Variants in BANK1 observed in about 807,000 individuals in gnomAD.
BANK1 encodes B cell scaffold protein with ankyrin repeats 1, also known as B-cell scaffold protein with ankyrin repeats.
In BANK1, 95 loss-of-function variants were observed where a neutral mutation model predicts 94.5. The observed-to-expected ratio is 1.00, with a 90% CI of 0.85 to 1.19. The LOEUF is 1.19. Among genes scored for constraint, BANK1 ranks in the 50% most tolerant of loss-of-function variants. The pLI, the probability that BANK1 is intolerant of heterozygous loss-of-function variation, is 0.00. For missense variants in BANK1, 987 were observed against 932.2 expected (o/e 1.06, Z -0.77); for synonymous variants, 334 against 308.4 (o/e 1.08, Z -0.87).
chr4:102,073,551 T>C, intron 15 of BANK1, 133 bp from the exon 16 acceptor site: 1 of 690,252 alleles, frequency 1.4e-6, no homozygotes, highest in South Asian at 1.9e-5. Flanking sequence ...GAAGATTGTC[T>C]TGCCAGTTTT....
At chr4:101,937,025 A>T (rs1334747985) in intron 7 of BANK1, among the ~76,000 whole-genome samples, 2 of 151,698 alleles carry the variant, frequency 1.3e-5, no homozygotes, top group Admixed American at 6.6e-5. Flanking sequence ...TACTGTTCAC[A>T]ATAGCCAATA....
intron 2 of BANK1, among the ~76,000 whole-genome samples, chr4:101,843,286 T>G (rs1578350960): frequency 6.6e-6 from 1 of 152,314 alleles, no homozygotes; most frequent in Middle Eastern, 3.4e-3. Context: ...TTTTGATAAA[T>G]ATTCCACTAT....
intron 2 of BANK1, among the ~76,000 whole-genome samples, chr4:101,847,800 C>A (rs1727312463): frequency 2.0e-5 from 3 of 151,394 alleles, no homozygotes; most frequent in African/African-American, 7.3e-5. Context: ...TTTCTTTATC[C>A]ACTCGTTGAT....
At chr4:102,060,583 A>G (rs143818560) in intron 12 of BANK1, among the ~76,000 whole-genome samples, 194 bp downstream of exon 12, 215 of 152,330 alleles carry the variant, frequency 1.4e-3, no homozygotes, top group African/African-American at 4.9e-3. Flanking sequence ...GGTGAAGTCA[A>G]TCCTCTAACC....
At chr4:101,883,580 T>C (rs1728750354) in intron 5 of BANK1, among the ~76,000 whole-genome samples, 1 of 152,180 alleles carries the variant, frequency 6.6e-6, no homozygotes, top group Non-Finnish European at 1.5e-5. Flanking sequence ...TCTTCATGCT[T>C]CTTATGTGGC....
chr4:101,796,443 C>T (rs1725158977), intron 1 of BANK1, among the ~76,000 whole-genome samples: 1 of 152,098 alleles, frequency 6.6e-6, no homozygotes, highest in Non-Finnish European at 1.5e-5. Flanking sequence ...ACGTATCTTC[C>T]ATTGAAAATT....
rs1020241795 is a variant in BANK1 at position 101,895,485 on chromosome 4, A to C, written c.1009+75A>C. The C allele has an allele frequency of 3.8e-5, 34 of 883,354 alleles. No homozygotes were observed. The East Asian group carries it at 9.3e-4, about 24-fold the overall frequency. The allele number at this position is 883,354 out of a possible 1,614,324, so 54.7% of individuals were successfully genotyped here. On this transcript the variant is annotated intron_variant, in intron 6 of 16. Coordinates refer to ENST00000322953, the MANE Select transcript of BANK1 (RefSeq NM_017935.5). ...TATGTAACTCTTTAATGAATGTTAT[A>C]ACCAAAAATATAGGTAGCTGCACTG...
chr4:101,870,354 A>C, intron 4 of BANK1, 151 bp from the exon 5 acceptor site: 1 of 611,854 alleles, frequency 1.6e-6, no homozygotes, highest in Non-Finnish European at 2.4e-6. Flanking sequence ...GTGTTTTCCA[A>C]CTACCAAGAA....
At chr4:102,071,673 T>C (rs141718697) in intron 14 of BANK1, among the ~76,000 whole-genome samples, 3 of 152,310 alleles carry the variant, frequency 2.0e-5, no homozygotes, top group Non-Finnish European at 2.9e-5. Context: ...CTGATAATGA[T>C]ATATGTAAAT....
chr4:101,986,899 G>GTGTGTGTGTGTA lies in BANK1; in HGVS notation c.1207-34614_1207-34613insGTGTGTGTGTAT, dbSNP rs1343197093. On this transcript the variant is annotated intron_variant, in intron 7 of 16. Transcript: ENST00000322953. ...TGTGTGTGTGTGTGTGTGTGTGTGT[G>GTGTGTGTGTGTA]TATATATATATATATATATATATAT... Among the ~76,000 whole-genome samples the GTGTGTGTGTGTA allele has an allele frequency of 4.7e-4, 39 of 82,660 alleles. 4 individuals are homozygous for GTGTGTGTGTGTA. The highest frequency in any genetic ancestry group is 1.4e-3 in the African/African-American group (21 of 15,548). 54.2% of individuals were successfully genotyped at this position (82,660 alleles called of 152,430 possible).
chr4:101,925,426 G>A (rs1723123775), intron 7 of BANK1, among the ~76,000 whole-genome samples: 1 of 151,776 alleles, frequency 6.6e-6, no homozygotes, highest in East Asian at 2.0e-4. Flanking sequence ...CTATGCCTCA[G>A]TAGGTAATGA....
chr4:101,949,152 G>A (rs1724044566), intron 7 of BANK1, among the ~76,000 whole-genome samples: 1 of 151,978 alleles, frequency 6.6e-6, no homozygotes, highest in African/African-American at 2.4e-5. Flanking sequence ...CTAGGATGAC[G>A]TGGCTCTGCT....
intron 7 of BANK1, among the ~76,000 whole-genome samples, chr4:101,952,919 C>A (rs1429430673): frequency 6.6e-6 from 1 of 152,054 alleles, no homozygotes; most frequent in Non-Finnish European, 1.5e-5. Context: ...TTGACATTAC[C>A]AGCTTTTTTT....
chr4:101,842,959 C>A (rs1727108800), intron 2 of BANK1, among the ~76,000 whole-genome samples: 1 of 152,124 alleles, frequency 6.6e-6, no homozygotes, highest in South Asian at 2.1e-4. Context: ...TTATTTGAAT[C>A]CAATTTCAGT....
intron 11 of BANK1, among the ~76,000 whole-genome samples, chr4:102,058,210 A>G (rs1351050779): frequency 1.3e-5 from 2 of 152,098 alleles, no homozygotes; most frequent in Non-Finnish European, 2.9e-5. Flanking sequence ...CCCAATTTAC[A>G]TTCTTACCTA....
chr4:101,891,229 G>A (rs1445476811), intron 5 of BANK1, among the ~76,000 whole-genome samples: 2 of 151,940 alleles, frequency 1.3e-5, no homozygotes, highest in South Asian at 2.1e-4. Context: ...TATCAGAAAT[G>A]CTTTGATTTT....
intron 11 of BANK1, 122 bp downstream of exon 11, chr4:102,044,029 CTTTT>C (rs780418906): frequency 1.5e-5 from 8 of 540,766 alleles, no homozygotes; most frequent in African/African-American, 1.9e-5. Context: ...AAATCTTACT[CTTTT>C]TTTTATTATT....
intron 8 of BANK1, among the ~76,000 whole-genome samples, chr4:102,024,019 G>A (rs1039068162): frequency 1.3e-5 from 2 of 152,100 alleles, no homozygotes; most frequent in Admixed American, 6.5e-5. Flanking sequence ...GCCCATGCTG[G>A]TAATTAAAGA....
chr4:101,994,682 T>C (rs1725816981), intron 7 of BANK1, among the ~76,000 whole-genome samples: 1 of 152,174 alleles, frequency 6.6e-6, no homozygotes, highest in Admixed American at 6.6e-5. Context: ...ACTCAGCTCA[T>C]TGTTAGCAAA....
Sources: gnomAD v4.1 joint callset for allele counts (sites outside exome capture counted in the v4.1 genomes callset) on GRCh38, gnomAD v4.1.1 for gene constraint, MANE v1.5 for transcripts, NCBI Gene and HGNC (gene_info 2026-07-23, HGNC 2026-07-21) for gene names.